The following CALN1 variants were observed in gnomAD, a reference collection of about 807,000 sequenced individuals.
CALN1 encodes the protein calcium-binding protein 8.
In CALN1, 17 loss-of-function variants were observed where a neutral mutation model predicts 30.6. The observed-to-expected ratio is 0.56, with a 90% CI of 0.38 to 0.83. CALN1 has a LOEUF of 0.83. Among genes scored for constraint, CALN1 ranks in the 40% least tolerant of loss-of-function variants. CALN1 has a pLI of 0.00. For synonymous variants in CALN1, 156 were observed against 131.4 expected, an observed-to-expected ratio of 1.19 and a Z score of -1.28; for missense variants, 291 against 354.9, an observed-to-expected ratio of 0.82 and a Z score of 1.45.
chr7:72,314,372 T>TAC (rs1562875509), intron 2 of CALN1, among the ~76,000 whole-genome samples: 1 of 65,204 alleles, frequency 1.5e-5, no homozygotes, highest in Admixed American at 1.6e-4. Context: ...TATACATATA[T>TAC]ACACATATAT....
intron 3 of CALN1, among the ~76,000 whole-genome samples, chr7:72,172,309 G>A (rs1039699654): frequency 2.0e-5 from 3 of 152,146 alleles, no homozygotes; most frequent in African/African-American, 7.2e-5. Context: ...TGTCTACCAG[G>A]GAGTGCTTTG....
chr7:72,240,078 T>G (rs2078266370), intron 3 of CALN1, among the ~76,000 whole-genome samples: 1 of 152,164 alleles, frequency 6.6e-6, no homozygotes, highest in Admixed American at 6.5e-5. Flanking sequence ...AAGTTCTAGC[T>G]GTAATGACTT....
chr7:71,879,915 T>C (rs1434406786), intron 5 of CALN1, among the ~76,000 whole-genome samples: 1 of 152,172 alleles, frequency 6.6e-6, no homozygotes, highest in East Asian at 1.9e-4. Flanking sequence ...CACAAAATAT[T>C]TGGAGTATAT....
At chr7:72,212,831 T>A (rs1314411826) in intron 3 of CALN1, among the ~76,000 whole-genome samples, 1 of 152,050 alleles carries the variant, frequency 6.6e-6, no homozygotes, top group East Asian at 1.9e-4. Context: ...AACATAAAAA[T>A]AAAGAAAAGG....
chr7:72,072,579 T>G (rs1027660634), intron 4 of CALN1, among the ~76,000 whole-genome samples: 1 of 152,004 alleles, frequency 6.6e-6, no homozygotes, highest in Non-Finnish European at 1.5e-5. Flanking sequence ...GAAATAAAGA[T>G]CACAAAAAAA....
intron 5 of CALN1, 152 bp downstream of exon 5, chr7:72,023,505 A>G: frequency 4.0e-6 from 2 of 502,064 alleles, no homozygotes; most frequent in Non-Finnish European, 3.5e-6. Flanking sequence ...ACCCTAAAAA[A>G]GTAGTTGTTT....
At chr7:71,841,599 A>G (rs1434551333) in intron 5 of CALN1, among the ~76,000 whole-genome samples, 2 of 152,194 alleles carry the variant, frequency 1.3e-5, no homozygotes, top group Non-Finnish European at 2.9e-5. Context: ...CATGGAATCA[A>G]CCTAGGTGCC....
At chr7:71,803,745 GTTC>G in intron 6 of CALN1, among the ~76,000 whole-genome samples, 1 of 151,958 alleles carries the variant, frequency 6.6e-6, no homozygotes, top group Non-Finnish European at 1.5e-5. Flanking sequence ...AAAGTGCTGG[GTTC>G]CTGCCTGGGT....
At chr7:72,154,133 T>G (rs976386168) in intron 3 of CALN1, among the ~76,000 whole-genome samples, 3 of 151,666 alleles carry the variant, frequency 2.0e-5, no homozygotes, top group Admixed American at 6.6e-5. Flanking sequence ...AAGGCTGGGA[T>G]TGGGAAAATA....
intron 5 of CALN1, among the ~76,000 whole-genome samples, chr7:72,004,079 A>G (rs1474985978): frequency 6.6e-6 from 1 of 152,250 alleles, no homozygotes; most frequent in African/African-American, 2.4e-5. Flanking sequence ...GAGTTAAAAC[A>G]ATCTTGACAG....
chr7:72,348,667 C>A (rs567133163), intron 2 of CALN1, among the ~76,000 whole-genome samples: 1 of 152,330 alleles, frequency 6.6e-6, no homozygotes, highest in Non-Finnish European at 1.5e-5. Context: ...ACTCATTGAA[C>A]ACCCGGCGGG....
intron 5 of CALN1, among the ~76,000 whole-genome samples, chr7:71,923,625 T>C (rs926722664): frequency 1.3e-5 from 2 of 152,160 alleles, no homozygotes; most frequent in African/African-American, 4.8e-5. Flanking sequence ...GTTTATTGTT[T>C]TTCCTGGGTG....
At chr7:72,144,382 A>G (rs1329680159) in intron 3 of CALN1, among the ~76,000 whole-genome samples, 3 of 152,258 alleles carry the variant, frequency 2.0e-5, no homozygotes, top group Non-Finnish European at 4.4e-5. Flanking sequence ...AAAGAAGGCC[A>G]TTACATAATG....
At chr7:72,451,253 AGAG>A (rs35134740), upstream of CALN1, among the ~76,000 whole-genome samples, 20 of 129,712 alleles carry the variant, frequency 1.5e-4, no homozygotes, top group African/African-American at 6.4e-5. Context: ...AAGAGGAGGA[AGAG>A]GAGGAGGAGG....
chr7:71,871,260 C>CT (rs202211818), intron 5 of CALN1, among the ~76,000 whole-genome samples: 2 of 152,174 alleles, frequency 1.3e-5, no homozygotes, highest in African/African-American at 4.8e-5. Context: ...AATAAAAGAG[C>CT]TTTAAAAAAA....
intron 2 of CALN1, among the ~76,000 whole-genome samples, chr7:72,309,931 T>A (rs1001314472): frequency 6.6e-6 from 1 of 152,180 alleles, no homozygotes; most frequent in African/African-American, 2.4e-5. Flanking sequence ...CAAACTCCGA[T>A]GCCCTCCAAG....
chr7:72,133,229 C>T (rs990246544), intron 3 of CALN1, among the ~76,000 whole-genome samples: 2 of 152,012 alleles, frequency 1.3e-5, no homozygotes, highest in African/African-American at 4.8e-5. Context: ...GAGAAATGTT[C>T]GTAATTTATT....
intron 2 of CALN1, among the ~76,000 whole-genome samples, chr7:72,351,474 C>T (rs1802913041): frequency 6.6e-6 from 1 of 152,256 alleles, no homozygotes; most frequent in Non-Finnish European, 1.5e-5. Flanking sequence ...AGGTAGTTTA[C>T]TGTTTAAGAC....
chr7:72,224,895 T>G (rs754873500), intron 3 of CALN1, among the ~76,000 whole-genome samples: 1 of 151,956 alleles, frequency 6.6e-6, no homozygotes, highest in South Asian at 2.1e-4. Flanking sequence ...GAGGCCATCC[T>G]GGCTAACATG....
Sources: gnomAD v4.1 joint callset for allele counts (sites outside exome capture counted in the v4.1 genomes callset) on GRCh38, gnomAD v4.1.1 for gene constraint, MANE v1.5 for transcripts, NCBI Gene and HGNC (gene_info 2026-07-23, HGNC 2026-07-21) for gene names.